The following KANSL2 variants were observed in gnomAD, a reference collection of about 807,000 sequenced individuals.
The protein encoded by KANSL2 is NSL complex protein NSL2.
KANSL2 carries 34 observed loss-of-function variants against 55.6 expected under a neutral mutation model. That is an observed-to-expected ratio of 0.61 (90% CI 0.46 to 0.81). KANSL2 has a LOEUF of 0.81. KANSL2 is among the 40% of genes least tolerant of loss of function. The pLI is 0.00. For missense variants in KANSL2, 502 were observed against 609.9 expected (o/e 0.82, Z 1.86); for synonymous variants, 209 against 214.3 (o/e 0.98, Z 0.22).
chr12:48,670,755 A>G (rs540916132), intron 5 of KANSL2, among the ~76,000 whole-genome samples: 2 of 151,850 alleles, frequency 1.3e-5, no homozygotes, highest in African/African-American at 2.4e-5. Flanking sequence ...GGATCACTTG[A>G]GCCCAGGAGT....
At chr12:48,658,107 T>C (rs1176863441) in intron 8 of KANSL2, among the ~76,000 whole-genome samples, 1 of 151,978 alleles carries the variant, frequency 6.6e-6, no homozygotes, top group African/African-American at 2.4e-5. Context: ...GGGGCGCACC[T>C]GTAATCCCAA....
intron 9 of KANSL2, 120 bp downstream of exon 9, chr12:48,654,821 C>A (rs1592094864): frequency 2.1e-6 from 2 of 972,592 alleles, no homozygotes; most frequent in East Asian, 5.3e-5. Context: ...ACATGTGGAG[C>A]ATCTTTATAC....
intron 6 of KANSL2, among the ~76,000 whole-genome samples, chr12:48,668,425 A>G (rs1036794602): frequency 3.9e-5 from 6 of 152,246 alleles, no homozygotes; most frequent in Non-Finnish European, 8.8e-5. Flanking sequence ...TCCTGACTTC[A>G]AGCTAAGTGC....
intron 8 of KANSL2, 122 bp downstream of exon 8, chr12:48,660,244 C>T (rs1384429779): frequency 9.0e-6 from 8 of 885,512 alleles, no homozygotes; most frequent in African/African-American, 1.7e-5. Context: ...TACAACTATA[C>T]GTATATATCA....
At chr12:48,675,513 AAT>A (rs1206863771) in intron 4 of KANSL2, among the ~76,000 whole-genome samples, 3 of 152,256 alleles carry the variant, frequency 2.0e-5, no homozygotes, top group African/African-American at 7.2e-5. Context: ...GCCTTAACCT[AAT>A]ATAGAGTTTG....
intron 8 of KANSL2, among the ~76,000 whole-genome samples, chr12:48,657,268 T>C (rs78375783): frequency 0.018 from 2,766 of 151,834 alleles, 92 homozygotes; most frequent in African/African-American, 0.063. Context: ...CTACTAAAAA[T>C]ACAAAAATTA....
intron 5 of KANSL2, among the ~76,000 whole-genome samples, chr12:48,671,120 C>A (rs1038167827): frequency 4.0e-5 from 6 of 151,870 alleles, no homozygotes; most frequent in African/African-American, 1.2e-4. Context: ...AAAAAATTAG[C>A]CGGGCATGGT....
intron 8 of KANSL2, among the ~76,000 whole-genome samples, chr12:48,659,680 G>A (rs181396680): frequency 4.6e-5 from 7 of 151,654 alleles, no homozygotes; most frequent in East Asian, 3.9e-4. Flanking sequence ...TCATGCCACC[G>A]ACAGAAACTC....
chr12:48,667,878 T>C (rs1453162482), intron 6 of KANSL2, 89 bp from the exon 7 acceptor site: 1 of 947,032 alleles, frequency 1.1e-6, no homozygotes, highest in East Asian at 2.5e-5. Context: ...AAGCACATCC[T>C]AAAGGCTAGA....
In KANSL2 at chr12:48,682,173, C is replaced by A; in HGVS notation, c.-10+14G>T. The A allele has an allele frequency of 2.9e-6, 2 of 695,848 alleles. No homozygotes were observed. The highest frequency in any genetic ancestry group is 5.2e-6 in the Non-Finnish European group (2 of 381,104). The allele number at this position is 695,848 out of a possible 1,614,324, so 43.1% of individuals were successfully genotyped here. A position where few individuals can be genotyped will look rare whatever the true frequency, so the allele number is the denominator to read the frequency against. Reference sequence around the variant, plus strand: ...AACCGCAAGAGCTTAGAGGAAAGAGCACCGCCATCTTACCTCAGGAGCTGC... The same window carrying A: ...AACCGCAAGAGCTTAGAGGAAAGAGAACCGCCATCTTACCTCAGGAGCTGC... On this transcript the variant is annotated intron_variant, in intron 1 of 9. Coordinates refer to ENST00000420613, the MANE Select transcript of KANSL2 (RefSeq NM_017822.4).
At chr12:48,682,139 T>C (rs942194031) in intron 1 of KANSL2, 48 bp downstream of exon 1, 18 of 702,472 alleles carry the variant, frequency 2.6e-5, no homozygotes, top group Non-Finnish European at 3.9e-5. Flanking sequence ...AAGAGCGAAA[T>C]AGCAGCCCAA....
intron 4 of KANSL2, among the ~76,000 whole-genome samples, chr12:48,676,320 G>A (rs1288706011): frequency 6.6e-6 from 1 of 152,066 alleles, no homozygotes; most frequent in Non-Finnish European, 1.5e-5. Flanking sequence ...TGCCCAGGCT[G>A]GTCTCGAACT....
chr12:48,669,287 G>A lies in KANSL2; in HGVS notation c.710-15C>T. On this transcript the variant is annotated splice_polypyrimidine_tract_variant and intron_variant, in intron 5 of 9. Coordinates refer to ENST00000420613, the MANE Select transcript of KANSL2 (RefSeq NM_017822.4). Reference sequence around the variant, plus strand: ...GAGACTACTGCCTAGAGTTACAAGAGTCAAGATGTTATTTGCCAAGCAATC... The same window carrying A: ...GAGACTACTGCCTAGAGTTACAAGAATCAAGATGTTATTTGCCAAGCAATC... 1 of 1,515,318 alleles carries A rather than the reference G, an allele frequency of 6.6e-7. No homozygotes were observed. Among genetic ancestry groups the A allele is most frequent in the Non-Finnish European group, 8.9e-7 (1 of 1,128,506 alleles). The allele number at this position is 1,515,318 out of a possible 1,614,324, so 93.9% of individuals were successfully genotyped here. A position where few individuals can be genotyped will look rare whatever the true frequency, so the allele number is the denominator to read the frequency against.
intron 8 of KANSL2, among the ~76,000 whole-genome samples, chr12:48,657,604 TTGTGTG>T (rs66499642): frequency 6.7e-6 from 1 of 149,602 alleles, no homozygotes; most frequent in Non-Finnish European, 1.5e-5. Flanking sequence ...TATGTGCAAT[TTGTGTG>T]TGTGTGTGTG....
At chr12:48,660,267 T>G (rs1474400799) in intron 8 of KANSL2, 99 bp downstream of exon 8, 3 of 1,271,216 alleles carry the variant, frequency 2.4e-6, no homozygotes, top group Middle Eastern at 1.9e-4. Flanking sequence ...TCAAAAACTT[T>G]GTCGATTCTC....
At chr12:48,674,524 G>C (rs1203772734) in intron 4 of KANSL2, among the ~76,000 whole-genome samples, 1 of 152,184 alleles carries the variant, frequency 6.6e-6, no homozygotes, top group African/African-American at 2.4e-5. Context: ...TTAGGACTGA[G>C]AGCAAGTAAT....
In KANSL2 at chr12:48,679,264, A is replaced by C. The variant is rs1321768232; in HGVS notation, c.431-114T>G. ...CTTGAAATTTTAAAAACAAAACAAA[A>C]AAAAAAACACTTAGTACAAAGGTAC... On this transcript the variant is annotated intron_variant, in intron 3 of 9. Coordinates refer to ENST00000420613, the MANE Select transcript of KANSL2 (RefSeq NM_017822.4). 1.0e-5 allele frequency: 8 copies of C among 772,010 alleles called. No individual in the cohort carries two copies. In the East Asian group the frequency reaches 1.6e-4, roughly 15 times the overall value. The allele number at this position is 772,010 out of a possible 1,614,324, so 47.8% of individuals were successfully genotyped here.
chr12:48,668,765 G>A (rs1939649213), intron 6 of KANSL2, among the ~76,000 whole-genome samples: 1 of 152,174 alleles, frequency 6.6e-6, no homozygotes, highest in African/African-American at 2.4e-5. Context: ...AACATGAACA[G>A]GCACGGTGGC....
chr12:48,669,841 C>T (rs1260925428), intron 5 of KANSL2, among the ~76,000 whole-genome samples: 1 of 151,942 alleles, frequency 6.6e-6, no homozygotes, highest in African/African-American at 2.4e-5. Context: ...CTAGTGACAT[C>T]ATAGTTCAAC....
Sources: gnomAD v4.1 joint callset for allele counts (sites outside exome capture counted in the v4.1 genomes callset) on GRCh38, gnomAD v4.1.1 for gene constraint, MANE v1.5 for transcripts, NCBI Gene and HGNC (gene_info 2026-07-23, HGNC 2026-07-21) for gene names.